PRRC1: variants seen among roughly 807,000 people sequenced by gnomAD.
PRRC1 encodes proline rich coiled-coil 1, also known as protein PRRC1.
A neutral mutation model predicts 40.7 loss-of-function variants in PRRC1; 39 were observed. The ratio of observed to expected loss-of-function variants is 0.96; its 90% CI spans 0.74 to 1.25. The LOEUF is 1.25. Among genes scored for constraint, PRRC1 ranks in the 50% most tolerant of loss-of-function variants. The pLI is 0.00. For synonymous variants in PRRC1, 175 were observed against 193.3 expected, an observed-to-expected ratio of 0.91 and a Z score of 0.79; for missense variants, 573 against 548.3, an observed-to-expected ratio of 1.05 and a Z score of -0.45.
In PRRC1 at chr5:127,552,688, A is replaced by G. The variant is rs994655071; in HGVS notation, c.*772A>G. ...TCAGAAGTATTCAAATTATTTTTGT[A>G]TAATACTGTTCAGTACTTCCAAGAA... is the stretch of plus-strand genomic sequence containing the variant. On this transcript the variant is annotated 3_prime_UTR_variant, in exon 9 of 9. Transcript: ENST00000296666. 37 of 982,786 alleles carry G rather than the reference A, an allele frequency of 3.8e-5. No homozygotes were observed. In the East Asian group the frequency reaches 4.0e-3, roughly 106 times the overall value. The allele number at this position is 982,786 out of a possible 1,614,324, so 60.9% of individuals were successfully genotyped here. A position where few individuals can be genotyped will look rare whatever the true frequency, so the allele number is the denominator to read the frequency against.
intron 3 of PRRC1, among the ~76,000 whole-genome samples, chr5:127,525,941 G>T (rs1000223811): frequency 2.6e-5 from 4 of 152,152 alleles, no homozygotes; most frequent in African/African-American, 9.6e-5. Context: ...CAGGTAAAAA[G>T]TCAGAAACAA....
Position 127,552,850 on chromosome 5 carries a change from G to C in PRRC1, c.*934G>C. Reference sequence around the variant, plus strand: ...TACTTCAATTAAGGTTACTTATTTGGTTTGCCTTAAGCATTACTTTTTTAA... The same window carrying C: ...TACTTCAATTAAGGTTACTTATTTGCTTTGCCTTAAGCATTACTTTTTTAA... On this transcript the variant is annotated 3_prime_UTR_variant, in exon 9 of 9. Coordinates refer to ENST00000296666, the MANE Select transcript of PRRC1 (RefSeq NM_130809.5). 8 of 983,862 alleles carry C rather than the reference G, an allele frequency of 8.1e-6. No homozygotes were observed. Among genetic ancestry groups the C allele is most frequent in the Non-Finnish European group, 9.7e-6 (8 of 828,304 alleles). 60.9% of individuals were successfully genotyped at this position (983,862 alleles called of 1,614,324 possible). A position where few individuals can be genotyped will look rare whatever the true frequency, so the allele number is the denominator to read the frequency against.
chr5:127,543,980 T>C (rs559481622), intron 7 of PRRC1, among the ~76,000 whole-genome samples: 2,994 of 72,786 alleles, frequency 0.041, 101 homozygotes, highest in African/African-American at 0.13. Flanking sequence ...TTTTCTGCTC[T>C]GTTTTTTCCC....
chr5:127,548,418 C>G (rs561707782), intron 8 of PRRC1: 4 of 164,354 alleles, frequency 2.4e-5, no homozygotes, highest in South Asian at 1.8e-4. Context: ...CACACAGTTT[C>G]CAGGAGAATG....
At chr5:127,530,965 A>C (rs1767753087) in intron 5 of PRRC1, among the ~76,000 whole-genome samples, 1 of 152,190 alleles carries the variant, frequency 6.6e-6, no homozygotes, top group Non-Finnish European at 1.5e-5. Context: ...GTACATATCC[A>C]ATATGTGAAA....
Position 127,552,173 on chromosome 5 carries a change from CAATTT to C in PRRC1, c.*261_*265del, listed in dbSNP as rs1350539366. 2.4e-6 allele frequency: 3 copies of C among 1,237,200 alleles called. No homozygotes were observed. The highest frequency in any genetic ancestry group is 3.0e-6 in the Non-Finnish European group (3 of 984,990). The allele number at this position is 1,237,200 out of a possible 1,614,324, so 76.6% of individuals were successfully genotyped here. On this transcript the variant is annotated 3_prime_UTR_variant, in exon 9 of 9. Transcript: ENST00000296666. ...AAAATATACAAATCTATTTACAGCA[CAATTT>C]AATATACCAGATTTATAAGGTGGAA...
At chr5:127,531,605 ATTC>A (rs1284123522) in intron 5 of PRRC1, among the ~76,000 whole-genome samples, 1 of 117,658 alleles carries the variant, frequency 8.5e-6, no homozygotes, top group African/African-American at 3.5e-5. Context: ...AGGTGTTTTT[ATTC>A]TTCTTCTTCT....
intron 1 of PRRC1, among the ~76,000 whole-genome samples, chr5:127,521,754 T>A (rs924834667): frequency 6.6e-5 from 10 of 152,312 alleles, no homozygotes; most frequent in African/African-American, 2.4e-4. Context: ...TCCCTTCACA[T>A]GGATTTTATT....
intron 3 of PRRC1, 96 bp from the exon 4 acceptor site, chr5:127,526,522 C>T: frequency 4.6e-6 from 4 of 864,300 alleles, no homozygotes; most frequent in South Asian, 2.5e-5. Flanking sequence ...CTTCAAATGC[C>T]TGAATATTAA....
rs1334274288 is a variant in PRRC1 at position 127,523,513 on chromosome 5, C to T, written c.34C>T (p.Pro12Ser). The change falls in exon 2 of 9, where the codon CCT (proline) becomes TCT (serine). Residue 12 changes from proline to serine, a missense_variant. Pro to Ser is a moderately conservative substitution (Grantham distance 74). Coordinates refer to ENST00000296666, the MANE Select transcript of PRRC1 (RefSeq NM_130809.5). ...AGAGAGTGGAATAGAGACAACACCA[C>T]CTGGGACTCCTCCACCAAATCCTGC... ...MEESGIETTPPGTPPPNPAGL... is the reference protein window; with the variant it reads ...MEESGIETTPSGTPPPNPAGL... 3 of 1,612,502 alleles carry T rather than the reference C, an allele frequency of 1.9e-6. No individual in the cohort carries two copies. In the African/African-American group the frequency reaches 4.0e-5, roughly 22 times the overall value.
At position 127,552,243 on chromosome 5, in the gene PRRC1, G is replaced by T; in HGVS notation, c.*327G>T. ...ACATTTAACTTAATGCCATGTACTT[G>T]ATTATTTTGTTCTTTAAAGAAGACA... On this transcript the variant is annotated 3_prime_UTR_variant, in exon 9 of 9. Transcript: ENST00000296666. 1 of 1,065,934 alleles carries T rather than the reference G, an allele frequency of 9.4e-7. No homozygotes were observed. 66.0% of individuals were successfully genotyped at this position (1,065,934 alleles called of 1,614,324 possible).
At chr5:127,550,553 T>C (rs1404336228) in intron 8 of PRRC1, 1 of 152,176 alleles carries the variant, frequency 6.6e-6, no homozygotes, top group East Asian at 1.9e-4. Context: ...ACCTTGTTTC[T>C]AAAAAGTGTG....
At chr5:127,533,319 T>C (rs568093170) in intron 5 of PRRC1, among the ~76,000 whole-genome samples, 8 of 152,290 alleles carry the variant, frequency 5.3e-5, no homozygotes, top group African/African-American at 1.4e-4. Flanking sequence ...TTATTTTAAT[T>C]TTCCGTGGAG....
At chr5:127,538,228 C>T (rs920724338) in intron 6 of PRRC1, among the ~76,000 whole-genome samples, 2 of 151,980 alleles carry the variant, frequency 1.3e-5, no homozygotes, top group East Asian at 1.9e-4. Flanking sequence ...CGAGATGTGT[C>T]CTAGCCTTCT....
intron 7 of PRRC1, among the ~76,000 whole-genome samples, chr5:127,540,720 G>A (rs1580944194): frequency 2.6e-5 from 4 of 152,176 alleles, no homozygotes. Flanking sequence ...CTGTTAAAAA[G>A]TCATCTCTCC....
chr5:127,531,608 C>A (rs966803575), intron 5 of PRRC1, among the ~76,000 whole-genome samples: 2 of 101,900 alleles, frequency 2.0e-5, no homozygotes, highest in Non-Finnish European at 1.8e-5. Flanking sequence ...TGTTTTTATT[C>A]TTCTTCTTCT....
intron 7 of PRRC1, among the ~76,000 whole-genome samples, chr5:127,543,391 C>G (rs1309610213): frequency 6.6e-6 from 1 of 151,894 alleles, no homozygotes; most frequent in Non-Finnish European, 1.5e-5. Context: ...GTGGCATTCT[C>G]TGTATTTCCT....
At chr5:127,529,138 A>AT (rs937496402) in intron 4 of PRRC1, among the ~76,000 whole-genome samples, 10 of 151,368 alleles carry the variant, frequency 6.6e-5, no homozygotes, top group Non-Finnish European at 1.5e-4. Flanking sequence ...ATCTTTCCCA[A>AT]TTTTTTTTGC....
At chr5:127,520,704 G>A (rs1338068759) in intron 1 of PRRC1, among the ~76,000 whole-genome samples, 3 of 152,180 alleles carry the variant, frequency 2.0e-5, no homozygotes, top group Non-Finnish European at 4.4e-5. Context: ...TTTAGTGATG[G>A]AATGGTTCTA....
Sources: gnomAD v4.1 joint callset for allele counts (sites outside exome capture counted in the v4.1 genomes callset) on GRCh38, gnomAD v4.1.1 for gene constraint, MANE v1.5 for transcripts, NCBI Gene and HGNC (gene_info 2026-07-23, HGNC 2026-07-21) for gene names.